DPP10: variants seen among roughly 807,000 people sequenced by gnomAD.
DPP10 encodes the protein inactive dipeptidyl peptidase 10.
A neutral mutation model predicts 120.9 loss-of-function variants in DPP10; 33 were observed. The observed-to-expected ratio is 0.27, with a 90% CI of 0.21 to 0.37. The LOEUF (loss-of-function observed/expected upper bound fraction) is 0.37, where lower values mean the gene tolerates loss of function less well. DPP10 is among the 10% of genes least tolerant of loss of function. The pLI, the probability that DPP10 is intolerant of heterozygous loss-of-function variation, is 1.00. For synonymous variants in DPP10, 337 were observed against 326.1 expected, an observed-to-expected ratio of 1.03 and a Z score of -0.36; for missense variants, 816 against 942.8, an observed-to-expected ratio of 0.87 and a Z score of 1.76.
intron 5 of DPP10, among the ~76,000 whole-genome samples, chr2:115,665,694 T>A (rs2089397188): frequency 6.7e-6 from 1 of 150,320 alleles, no homozygotes; most frequent in Non-Finnish European, 1.5e-5. Context: ...TACACATACG[T>A]TAGAATATTT....
intron 1 of DPP10, among the ~76,000 whole-genome samples, chr2:115,106,535 T>C (rs1237705505): frequency 2.0e-5 from 3 of 152,190 alleles, no homozygotes; most frequent in Non-Finnish European, 4.4e-5. Flanking sequence ...ACATGGCTGA[T>C]TTGCAGCCTC....
chr2:114,619,017 G>A (rs1693882521), intron 1 of DPP10, among the ~76,000 whole-genome samples: 1 of 151,906 alleles, frequency 6.6e-6, no homozygotes, highest in South Asian at 2.1e-4. Flanking sequence ...ATTTAACAAG[G>A]AAGCAATGGA....
At chr2:115,639,344 A>G (rs1288860234) in intron 5 of DPP10, among the ~76,000 whole-genome samples, 1 of 152,176 alleles carries the variant, frequency 6.6e-6, no homozygotes, top group Non-Finnish European at 1.5e-5. Flanking sequence ...TGACATAAGC[A>G]AGATAATCTA....
chr2:115,156,109 G>A (rs187607577), intron 1 of DPP10, among the ~76,000 whole-genome samples: 10 of 152,262 alleles, frequency 6.6e-5, no homozygotes, highest in Admixed American at 2.6e-4. Context: ...GCAACTCATC[G>A]TGTCTAATAG....
chr2:114,460,169 ATATCTATCTATCTATC>A (rs10686701), intron 1 of DPP10, among the ~76,000 whole-genome samples: 1,729 of 148,460 alleles, frequency 0.012, 12 homozygotes, highest in South Asian at 0.017. Flanking sequence ...ATTTGGGATG[ATATCTATCTATCTATC>A]TATCTATCTA....
At chr2:115,593,868 C>T (rs547755240) in intron 5 of DPP10, among the ~76,000 whole-genome samples, 124 of 152,262 alleles carry the variant, frequency 8.1e-4, no homozygotes, top group African/African-American at 2.9e-3. Context: ...GGCTTTTAGA[C>T]GTTGGCTTTG....
intron 1 of DPP10, among the ~76,000 whole-genome samples, chr2:114,563,413 C>G (rs186103262): frequency 1.3e-5 from 2 of 151,890 alleles, no homozygotes; most frequent in African/African-American, 4.8e-5. Flanking sequence ...GAAATATTAG[C>G]TGTATGAAGA....
At chr2:115,177,824 C>T (rs1443456990) in intron 1 of DPP10, among the ~76,000 whole-genome samples, 2 of 152,050 alleles carry the variant, frequency 1.3e-5, no homozygotes, top group Admixed American at 6.6e-5. Flanking sequence ...AGTACAGTGG[C>T]GCGATCTCTG....
At chr2:115,724,864 A>G (rs1194362525) in intron 7 of DPP10, among the ~76,000 whole-genome samples, 1 of 152,174 alleles carries the variant, frequency 6.6e-6, no homozygotes, top group Non-Finnish European at 1.5e-5. Context: ...GGCATATCAC[A>G]TGGCTAGAGA....
intron 21 of DPP10, among the ~76,000 whole-genome samples, chr2:115,832,866 G>C (rs1035706741): frequency 4.6e-5 from 7 of 151,828 alleles, no homozygotes; most frequent in African/African-American, 1.5e-4. Flanking sequence ...AGATGTTTCC[G>C]GTAGGCACCT....
intron 1 of DPP10, among the ~76,000 whole-genome samples, chr2:114,815,289 T>A (rs138895918): frequency 1.3e-5 from 2 of 152,280 alleles, no homozygotes; most frequent in East Asian, 3.9e-4. Flanking sequence ...ATTCATTTAC[T>A]CCAAAACCAT....
At chr2:114,801,560 G>A (rs574754772) in intron 1 of DPP10, among the ~76,000 whole-genome samples, 17 of 152,244 alleles carry the variant, frequency 1.1e-4, no homozygotes, top group South Asian at 2.1e-4. Context: ...GAAGGATAAC[G>A]TCTGCATCAT....
intron 5 of DPP10, among the ~76,000 whole-genome samples, chr2:115,670,296 G>A (rs1420729178): frequency 6.6e-6 from 1 of 152,032 alleles, no homozygotes; most frequent in Non-Finnish European, 1.5e-5. Flanking sequence ...TTTGTCCACA[G>A]AAGTGGCCAA....
At chr2:115,139,293 T>G (rs1393924899) in intron 1 of DPP10, among the ~76,000 whole-genome samples, 2 of 152,174 alleles carry the variant, frequency 1.3e-5, no homozygotes, top group Non-Finnish European at 2.9e-5. Context: ...AATATGTTGC[T>G]ATTGTAGAAT....
At chr2:115,130,863 A>G (rs998250811) in intron 1 of DPP10, 10 of 152,076 alleles carry the variant, frequency 6.6e-5, no homozygotes, top group Non-Finnish European at 1.5e-4. Flanking sequence ...TGTCTTAACA[A>G]CTCTTAAGTC....
chr2:115,441,848 G>A (rs1293726489), intron 3 of DPP10, among the ~76,000 whole-genome samples: 2 of 125,506 alleles, frequency 1.6e-5, no homozygotes, highest in Admixed American at 9.4e-5. Flanking sequence ...ACAGAGTCTC[G>A]CTGTTTCCCC....
chr2:114,881,598 G>GTCTATCTATCTATCTATCTATCTA (rs58501993), intron 1 of DPP10, among the ~76,000 whole-genome samples: 14 of 141,182 alleles, frequency 9.9e-5, no homozygotes, highest in East Asian at 4.2e-4. Context: ...CTGTCTGTCT[G>GTCTATCTATCTATCTATCTATCTA]TCTATCTATC....
At chr2:114,984,251 A>T (rs896558118) in intron 1 of DPP10, among the ~76,000 whole-genome samples, 3 of 152,190 alleles carry the variant, frequency 2.0e-5, no homozygotes, top group Non-Finnish European at 4.4e-5. Flanking sequence ...ATAGAAAATG[A>T]TACATTTTTT....
chr2:114,893,840 A>G (rs1185033735), intron 1 of DPP10, among the ~76,000 whole-genome samples: 1 of 152,178 alleles, frequency 6.6e-6, no homozygotes, highest in African/African-American at 2.4e-5. Context: ...GAGACAGAAA[A>G]AACATATTTT....
Sources: gnomAD v4.1 joint callset for allele counts (sites outside exome capture counted in the v4.1 genomes callset) on GRCh38, gnomAD v4.1.1 for gene constraint, MANE v1.5 for transcripts, NCBI Gene and HGNC (gene_info 2026-07-23, HGNC 2026-07-21) for gene names.